Variants in NMNAT2 observed in about 807,000 individuals in gnomAD.
NMNAT2 encodes the protein nicotinamide/nicotinic acid mononucleotide adenylyltransferase 2.
A neutral mutation model predicts 41.6 loss-of-function variants in NMNAT2; 11 were observed. The observed-to-expected ratio is 0.26, with a 90% CI of 0.17 to 0.44. The LOEUF (loss-of-function observed/expected upper bound fraction) is 0.44. Ranked by LOEUF, NMNAT2 falls within the 20% of genes least tolerant of loss-of-function variation. NMNAT2 has a pLI of 1.00. For synonymous variants in NMNAT2, 148 were observed against 151.2 expected, an observed-to-expected ratio of 0.98 and a Z score of 0.16; for missense variants, 288 against 407.7, an observed-to-expected ratio of 0.71 and a Z score of 2.53.
In NMNAT2 at chr1:183,264,084, G is replaced by A. The variant is rs142697231; in HGVS notation, c.652-2781C>T. 5.6e-4 allele frequency among the ~76,000 whole-genome samples: 85 copies of A among 152,250 alleles called. 1 individual carries two copies. Among genetic ancestry groups the A allele is most frequent in the African/African-American group, 1.9e-3 (79 of 41,546 alleles). ...GTATCCATGGGGATTCCTAAGCTGC[G>A]TGGTTATGTAGATGTTTCAAGATAA... On this transcript the variant is annotated intron_variant, in intron 8 of 10. Coordinates refer to ENST00000287713, the MANE Select transcript of NMNAT2 (RefSeq NM_015039.4).
chr1:183,343,500 T>G (rs1662862762), intron 1 of NMNAT2, among the ~76,000 whole-genome samples: 1 of 152,248 alleles, frequency 6.6e-6, no homozygotes, highest in Admixed American at 6.5e-5. Context: ...TTTGTTTTCT[T>G]GTTTACTGTA....
rs539013905 is a variant in NMNAT2, at chr1:183,399,096, A to C, written c.85+19087T>G. Among the ~76,000 whole-genome samples the C allele has an allele frequency of 1.4e-3, 213 of 152,132 alleles. 1 individual carries two copies. Among genetic ancestry groups the C allele is most frequent in the African/African-American group, 4.9e-3 (202 of 41,536 alleles). On this transcript the variant is annotated intron_variant, in intron 1 of 10. Transcript: ENST00000287713. The stretch of plus-strand genomic sequence containing the variant: ...CTGAAGGAGATAGAGACACAAAAAA[A>C]CCTTCAAAAAATCAATGAATCCAGG...
At chr1:183,272,872 G>A (rs562728831) in intron 8 of NMNAT2, among the ~76,000 whole-genome samples, 2 of 152,314 alleles carry the variant, frequency 1.3e-5, no homozygotes, top group South Asian at 2.1e-4. Context: ...GCTGGAGTGC[G>A]GGGCCGGGGC....
chr1:183,328,976 G>T (rs1571601321), intron 1 of NMNAT2, among the ~76,000 whole-genome samples: 1 of 148,202 alleles, frequency 6.7e-6, no homozygotes, highest in Admixed American at 6.7e-5. Context: ...TGCAGAGGTA[G>T]CAGAGGTAGC....
chr1:183,315,235 C>T (rs976431462), intron 1 of NMNAT2, among the ~76,000 whole-genome samples: 5 of 152,174 alleles, frequency 3.3e-5, no homozygotes, highest in African/African-American at 1.2e-4. Context: ...TCACTCGGGG[C>T]AGACACACAG....
intron 8 of NMNAT2, among the ~76,000 whole-genome samples, chr1:183,267,663 G>T (rs1242283814): frequency 3.9e-5 from 6 of 152,240 alleles, no homozygotes; most frequent in African/African-American, 1.4e-4. Context: ...AGGGCACTCA[G>T]ATCCCCTTCC....
chr1:183,365,749 G>A (rs1663399338), intron 1 of NMNAT2, among the ~76,000 whole-genome samples: 1 of 151,758 alleles, frequency 6.6e-6, no homozygotes. Flanking sequence ...AAAAAAAAAA[G>A]GAACAGTGAC....
rs183142087 is a variant in NMNAT2, at chr1:183,417,963, C to T, written c.85+220G>A. ...CCTCCCATCCCCCACCTTTGGCCCC[C>T]TGCGAGCCGGGTCTGGCCCCGGCAA... On this transcript the variant is annotated intron_variant, in intron 1 of 10. Transcript: ENST00000287713. Among the ~76,000 whole-genome samples, 370 of 152,254 alleles carry T rather than the reference C, an allele frequency of 2.4e-3. 6 individuals are homozygous for T. The East Asian group carries it at 0.038, about 16-fold the overall frequency.
chr1:183,290,567 G>A (rs1460174985), intron 3 of NMNAT2: 1 of 201,208 alleles, frequency 5.0e-6, no homozygotes, highest in Non-Finnish European at 1.0e-5. Context: ...TTACAGTTTT[G>A]TTAGAAAGGC....
intron 1 of NMNAT2, among the ~76,000 whole-genome samples, chr1:183,403,080 C>T (rs2101927572): frequency 6.6e-6 from 1 of 151,854 alleles, no homozygotes; most frequent in East Asian, 1.9e-4. Context: ...ATTACAGATG[C>T]CTGCCATCAC....
intron 1 of NMNAT2, among the ~76,000 whole-genome samples, chr1:183,390,263 T>A (rs1182918867): frequency 2.0e-5 from 3 of 152,162 alleles, no homozygotes; most frequent in Non-Finnish European, 4.4e-5. Context: ...GATACACAGA[T>A]CTTAATGAAT....
chr1:183,368,407 C>G (rs1330234614), intron 1 of NMNAT2, among the ~76,000 whole-genome samples: 1 of 152,142 alleles, frequency 6.6e-6, no homozygotes, highest in African/African-American at 2.4e-5. Flanking sequence ...CTCCCTGCCC[C>G]TGGGCTGCGC....
chr1:183,315,049 G>A (rs1662213854), intron 1 of NMNAT2, among the ~76,000 whole-genome samples: 1 of 152,184 alleles, frequency 6.6e-6, no homozygotes, highest in Non-Finnish European at 1.5e-5. Context: ...ATCAGCTCAT[G>A]CAGATTTCAA....
rs185314158 is a variant in NMNAT2, at chr1:183,273,686, C to T, written c.651+4867G>A. Among the ~76,000 whole-genome samples the T allele has an allele frequency of 1.1e-4, 17 of 152,282 alleles. No individual in the cohort carries two copies. In the East Asian group the frequency reaches 2.5e-3, roughly 22 times the overall value. On this transcript the variant is annotated intron_variant, in intron 8 of 10. Coordinates refer to ENST00000287713, the MANE Select transcript of NMNAT2 (RefSeq NM_015039.4). ...TGAGGTGCTAAGTAATTTTGTGCTG[C>T]CTACACCCTCCTCTGCCAGCTCTAT...
chr1:183,363,293 C>A (rs1178712370), intron 1 of NMNAT2, among the ~76,000 whole-genome samples: 5 of 152,122 alleles, frequency 3.3e-5, no homozygotes, highest in Admixed American at 6.5e-5. Context: ...TTTCTCTGAA[C>A]CTTAGCTTTA....
At chr1:183,326,796 A>C (rs1662475138) in intron 1 of NMNAT2, among the ~76,000 whole-genome samples, 1 of 152,178 alleles carries the variant, frequency 6.6e-6, no homozygotes, top group Non-Finnish European at 1.5e-5. Context: ...GAAAGATGGA[A>C]AGAAGAGGAT....
chr1:183,280,758 A>G (rs1001291877), intron 7 of NMNAT2, among the ~76,000 whole-genome samples: 3 of 133,282 alleles, frequency 2.3e-5, no homozygotes, highest in African/African-American at 8.5e-5. Flanking sequence ...CTCATCAGCT[A>G]TTGTTAGTGT....
chr1:183,252,324 G>A lies in NMNAT2; in HGVS notation c.*317C>T, dbSNP rs909079856. On this transcript the variant is annotated 3_prime_UTR_variant, in exon 11 of 11. Transcript: ENST00000287713. ...GCCGCCTCCCCAGAGCGTGCTGGGAGGATGGGCACCAGAGCCGCCTCTCTA... is the reference window on the plus strand; with the variant it reads ...GCCGCCTCCCCAGAGCGTGCTGGGAAGATGGGCACCAGAGCCGCCTCTCTA... 1 of 332,446 alleles carries A rather than the reference G, an allele frequency of 3.0e-6. No individual in the cohort carries two copies. Among genetic ancestry groups the A allele is most frequent in the Non-Finnish European group, 5.7e-6 (1 of 176,206 alleles). The allele number at this position is 332,446 out of a possible 1,614,324, so 20.6% of individuals were successfully genotyped here. A position where few individuals can be genotyped will look rare whatever the true frequency, so the allele number is the denominator to read the frequency against.
intron 1 of NMNAT2, among the ~76,000 whole-genome samples, chr1:183,341,345 C>T (rs570553646): frequency 6.6e-6 from 1 of 151,764 alleles, no homozygotes; most frequent in Admixed American, 6.6e-5. Flanking sequence ...GGACAACTGG[C>T]CACACATAAT....
Sources: gnomAD v4.1 joint callset for allele counts (sites outside exome capture counted in the v4.1 genomes callset) on GRCh38, gnomAD v4.1.1 for gene constraint, MANE v1.5 for transcripts, NCBI Gene and HGNC (gene_info 2026-07-23, HGNC 2026-07-21) for gene names.